The following CDH12 variants were observed in gnomAD, a reference collection of about 807,000 sequenced individuals.
CDH12 encodes the protein cadherin-12.
In CDH12, 41 loss-of-function variants were observed where a neutral mutation model predicts 74.1. The observed-to-expected ratio is 0.55, with a 90% confidence interval of 0.43 to 0.72. The LOEUF is 0.72. Ranked by LOEUF, CDH12 falls within the 30% of genes least tolerant of loss-of-function variation. The pLI, the probability that CDH12 is intolerant of heterozygous loss-of-function variation, is 0.00. For synonymous variants in CDH12, 399 were observed against 355.0 expected (o/e 1.12, Z -1.39); for missense variants, 945 against 977.2 (o/e 0.97, Z 0.44).
chr5:21,881,540 C>CCTTA (rs1300645501), intron 6 of CDH12, among the ~76,000 whole-genome samples: 1 of 152,158 alleles, frequency 6.6e-6, no homozygotes, highest in African/African-American at 2.4e-5. Flanking sequence ...CATAAAATAA[C>CCTTA]TAAGCTGTTT....
chr5:22,738,253 A>T (rs1394964372), intron 1 of CDH12, among the ~76,000 whole-genome samples: 1 of 151,982 alleles, frequency 6.6e-6, no homozygotes, highest in Non-Finnish European at 1.5e-5. Flanking sequence ...AGGAATCATA[A>T]AGTCTATGGT....
At chr5:22,134,895 T>TC (rs1170146595) in intron 4 of CDH12, among the ~76,000 whole-genome samples, 1 of 151,042 alleles carries the variant, frequency 6.6e-6, no homozygotes. Context: ...CTCCACACAC[T>TC]CCCCCCACCA....
chr5:21,833,079 TTATATTATAAA>T (rs1377190781), intron 8 of CDH12, among the ~76,000 whole-genome samples: 3 of 53,170 alleles, frequency 5.6e-5, no homozygotes, highest in Non-Finnish European at 6.9e-5. Flanking sequence ...ATAATATATA[TTATATTATAAA>T]TATATATTAT....
intron 3 of CDH12, among the ~76,000 whole-genome samples, chr5:22,291,137 G>A (rs1448974378): frequency 1.3e-5 from 2 of 151,990 alleles, no homozygotes; most frequent in Non-Finnish European, 2.9e-5. Context: ...ATTTCAATAG[G>A]AGCAGAAAAA....
intron 3 of CDH12, among the ~76,000 whole-genome samples, chr5:22,378,899 T>C (rs1741647889): frequency 6.6e-6 from 1 of 152,152 alleles, no homozygotes. Flanking sequence ...GATGAATAAT[T>C]TCTGCTTAAA....
intron 4 of CDH12, among the ~76,000 whole-genome samples, chr5:22,208,014 G>T (rs185761117): frequency 2.1e-4 from 32 of 152,204 alleles, no homozygotes; most frequent in Non-Finnish European, 4.3e-4. Context: ...TACTGTGATT[G>T]GCTCAATTTT....
chr5:21,924,766 A>T (rs1754514877), intron 6 of CDH12, among the ~76,000 whole-genome samples: 1 of 152,164 alleles, frequency 6.6e-6, no homozygotes, highest in Admixed American at 6.5e-5. Context: ...GGTTGAGGTG[A>T]TGTGAAAATT....
At chr5:22,593,932 A>C (rs943836751) in intron 1 of CDH12, among the ~76,000 whole-genome samples, 6 of 152,200 alleles carry the variant, frequency 3.9e-5, no homozygotes, top group Non-Finnish European at 7.3e-5. Flanking sequence ...ATAGTTACAA[A>C]TAACTGATTA....
At chr5:22,678,091 A>C (rs933588189) in intron 1 of CDH12, among the ~76,000 whole-genome samples, 1 of 151,892 alleles carries the variant, frequency 6.6e-6, no homozygotes, top group African/African-American at 2.4e-5. Context: ...GAAAGATGCA[A>C]AAATAATCTA....
intron 8 of CDH12, among the ~76,000 whole-genome samples, chr5:21,829,641 A>G (rs1375383024): frequency 6.6e-6 from 1 of 152,188 alleles, no homozygotes; most frequent in Admixed American, 6.5e-5. Context: ...CAAGGCAAAT[A>G]TGAAATAGAG....
At chr5:21,885,310 T>G (rs957801799) in intron 6 of CDH12, among the ~76,000 whole-genome samples, 1 of 152,192 alleles carries the variant, frequency 6.6e-6, no homozygotes. Context: ...CTATCTGTAA[T>G]TTACCCAAGG....
chr5:22,754,965 C>T (rs1745812262), intron 1 of CDH12, among the ~76,000 whole-genome samples: 1 of 152,094 alleles, frequency 6.6e-6, no homozygotes, highest in Admixed American at 6.5e-5. Context: ...AAATTTTATG[C>T]ATTTCTCACA....
At chr5:22,730,124 T>C (rs1744359478) in intron 1 of CDH12, among the ~76,000 whole-genome samples, 1 of 151,920 alleles carries the variant, frequency 6.6e-6, no homozygotes, top group Non-Finnish European at 1.5e-5. Flanking sequence ...GACCTCATTT[T>C]ATATTTCTGA....
intron 5 of CDH12, among the ~76,000 whole-genome samples, chr5:22,023,413 T>A (rs1738120036): frequency 6.6e-6 from 1 of 152,156 alleles, no homozygotes; most frequent in Non-Finnish European, 1.5e-5. Flanking sequence ...CATGCAAACA[T>A]GTTGCTCATT....
At chr5:22,456,244 ATGTG>A (rs58290508) in intron 2 of CDH12, among the ~76,000 whole-genome samples, 4,303 of 147,166 alleles carry the variant, frequency 0.029, 105 homozygotes, top group African/African-American at 0.067. Context: ...GTCTATATAT[ATGTG>A]TGTGTGTGTG....
intron 5 of CDH12, among the ~76,000 whole-genome samples, chr5:22,012,603 T>C (rs1016858182): frequency 1.3e-5 from 2 of 152,148 alleles, no homozygotes; most frequent in Non-Finnish European, 2.9e-5. Flanking sequence ...TAATAGAGTT[T>C]AGTAGTATGA....
intron 6 of CDH12, among the ~76,000 whole-genome samples, chr5:21,872,948 ATCTC>A (rs1307708527): frequency 8.0e-5 from 8 of 99,472 alleles, no homozygotes; most frequent in African/African-American, 2.5e-4. Flanking sequence ...ATCTGCATCT[ATCTC>A]TCTATGTAGT....
intron 2 of CDH12, among the ~76,000 whole-genome samples, chr5:22,441,587 A>G (rs144663423): frequency 1.3e-5 from 2 of 152,256 alleles, no homozygotes; most frequent in East Asian, 3.9e-4. Flanking sequence ...CATTTTCTAA[A>G]TCATTCCAAC....
At chr5:22,181,905 G>C (rs1437825193) in intron 4 of CDH12, among the ~76,000 whole-genome samples, 1 of 152,058 alleles carries the variant, frequency 6.6e-6, no homozygotes, top group East Asian at 1.9e-4. Context: ...CATCCCGGAA[G>C]TCTTGCCACA....
Sources: allele counts gnomAD v4.1 joint callset (sites outside exome capture counted in the v4.1 genomes callset), GRCh38; gene constraint gnomAD v4.1.1; transcripts MANE v1.5; gene names NCBI Gene and HGNC (gene_info 2026-07-23, HGNC 2026-07-21).